AMN1: variants seen among roughly 807,000 people sequenced by gnomAD.
AMN1 encodes the protein antagonist of mitotic exit network 1 homolog.
AMN1 carries 20 observed loss-of-function variants against 33.0 expected under a neutral mutation model. The observed-to-expected ratio is 0.61, with a 90% CI of 0.43 to 0.88. The LOEUF (loss-of-function observed/expected upper bound fraction) is 0.88. Among genes scored for constraint, AMN1 ranks in the 40% least tolerant of loss-of-function variants. The pLI, the probability that AMN1 is intolerant of heterozygous loss-of-function variation, is 0.00. For missense variants in AMN1, 246 were observed against 307.4 expected, an observed-to-expected ratio of 0.80 and a Z score of 1.49; for synonymous variants, 114 against 111.9, an observed-to-expected ratio of 1.02 and a Z score of -0.12.
rs1307268254 is a variant in AMN1, at chr12:31,697,765, T to C, written c.509A>G (p.Gln170Arg). ...HALGKNCPFL[Q>R]CVDFSATQVS... ...CTGAGTAGCTGAAAAGTCGACACAC[T>C]GCAAAAATGGGCAGTTTTTTCCTAA... The change falls in exon 4 of 7, where the codon CAG becomes CGG. Residue 170 changes from glutamine (Q) to arginine (R), a missense_variant. Transcript: ENST00000281471. 6.2e-6 allele frequency: 10 copies of C among 1,614,000 alleles called. No homozygotes were observed. Among genetic ancestry groups the C allele is most frequent in the Non-Finnish European group, 8.5e-6 (10 of 1,179,884 alleles).
rs1289411577 is a variant in AMN1 at position 31,687,260 on chromosome 12, G to C, written c.703+1747C>G. ...TCACTACAGATGTCACTGATACCCAGATACAATCTATGGTTACAGCCTTGG... is the reference window on the plus strand; with the variant it reads ...TCACTACAGATGTCACTGATACCCACATACAATCTATGGTTACAGCCTTGG... On this transcript the variant is annotated intron_variant, in intron 6 of 6. Coordinates refer to ENST00000281471, the MANE Select transcript of AMN1 (RefSeq NM_001113402.2). This position sits in a 1 kb window ranked among gnomAD's most constrained non-coding sequence, Gnocchi z 4.1. 6.6e-6 allele frequency among the ~76,000 whole-genome samples: 1 copy of C among 152,198 alleles called. No homozygotes were observed. The highest frequency in any genetic ancestry group is 6.5e-5 in the Admixed American group (1 of 15,276).
At chr12:31,681,233 A>T (rs1030415240) in intron 6 of AMN1, among the ~76,000 whole-genome samples, 1 of 151,902 alleles carries the variant, frequency 6.6e-6, no homozygotes, top group African/African-American at 2.4e-5. Context: ...TATTATTTTT[A>T]TTTATTTTTT....
chr12:31,720,718 TC>T (rs1465351872), intron 1 of AMN1, among the ~76,000 whole-genome samples: 1 of 152,216 alleles, frequency 6.6e-6, no homozygotes, highest in African/African-American at 2.4e-5. Context: ...TCAAGGTTTA[TC>T]CACATTGTAG....
intron 2 of AMN1, among the ~76,000 whole-genome samples, chr12:31,703,056 T>G (rs1000805292): frequency 6.6e-6 from 1 of 151,548 alleles, no homozygotes. Context: ...TTATTTAATA[T>G]TCTCTCTCTC....
intron 5 of AMN1, 132 bp downstream of exon 5, chr12:31,697,229 A>G (rs1938767927): frequency 3.2e-6 from 2 of 625,218 alleles, no homozygotes; most frequent in Admixed American, 3.3e-5. Flanking sequence ...CAATAAAGAG[A>G]TAGAACACCC....
chr12:31,704,093 T>C (rs1156948799), intron 2 of AMN1, among the ~76,000 whole-genome samples: 1 of 152,194 alleles, frequency 6.6e-6, no homozygotes, highest in African/African-American at 2.4e-5. Flanking sequence ...CTACAGGAAG[T>C]AAATTGTTGA....
At chr12:31,699,320 C>A (rs1397877803) in intron 3 of AMN1, among the ~76,000 whole-genome samples, 1 of 128,384 alleles carries the variant, frequency 7.8e-6, no homozygotes, top group African/African-American at 2.9e-5. Flanking sequence ...TCACTTGAAC[C>A]CAGAGGTGGA....
At chr12:31,673,928 T>C (rs1011891104) in intron 6 of AMN1, among the ~76,000 whole-genome samples, 4 of 152,168 alleles carry the variant, frequency 2.6e-5, no homozygotes, top group African/African-American at 9.7e-5. Flanking sequence ...TGTACAGTTT[T>C]GAAGGTCAGA....
intron 6 of AMN1, among the ~76,000 whole-genome samples, chr12:31,686,654 G>A (rs1592152025): frequency 6.6e-6 from 1 of 152,046 alleles, no homozygotes; most frequent in South Asian, 2.1e-4. Flanking sequence ...AAAATTTTCC[G>A]ACACAAAGCC....
chr12:31,720,820 G>A (rs1939855470), intron 1 of AMN1, among the ~76,000 whole-genome samples: 1 of 152,112 alleles, frequency 6.6e-6, no homozygotes. Context: ...TCAATTGATG[G>A]ACATCTGTCT....
chr12:31,721,291 A>C (rs1939869912), intron 1 of AMN1, among the ~76,000 whole-genome samples: 1 of 152,128 alleles, frequency 6.6e-6, no homozygotes, highest in Non-Finnish European at 1.5e-5. Flanking sequence ...AATGGGAGGT[A>C]CCCAGGGGAG....
intron 5 of AMN1, among the ~76,000 whole-genome samples, chr12:31,690,265 A>G (rs1938445101): frequency 6.6e-6 from 1 of 152,184 alleles, no homozygotes; most frequent in African/African-American, 2.4e-5. Context: ...TTCTCTGGGT[A>G]GACACCCAGT....
At chr12:31,697,204 TTTTA>T (rs1252650807) in intron 5 of AMN1, among the ~76,000 whole-genome samples, 153 bp downstream of exon 5, 3 of 152,202 alleles carry the variant, frequency 2.0e-5, no homozygotes, top group Non-Finnish European at 2.9e-5. Context: ...TCCTAACAAT[TTTTA>T]TTTACTCTGG....
At chr12:31,689,563 A>C (rs1938411797) in intron 5 of AMN1, among the ~76,000 whole-genome samples, 2 of 152,228 alleles carry the variant, frequency 1.3e-5, no homozygotes, top group African/African-American at 4.8e-5. Flanking sequence ...ATGTTAGTTC[A>C]GACCCTTTGG....
intron 6 of AMN1, among the ~76,000 whole-genome samples, chr12:31,679,107 G>A (rs1398247785): frequency 3.9e-4 from 59 of 151,944 alleles, no homozygotes; most frequent in South Asian, 4.2e-4. Flanking sequence ...CCAAGAGTTC[G>A]AGACAGTCTG....
chr12:31,708,194 G>C (rs1057175442), intron 2 of AMN1, among the ~76,000 whole-genome samples: 2 of 152,196 alleles, frequency 1.3e-5, no homozygotes, highest in Non-Finnish European at 2.9e-5. Context: ...CCTATAAACA[G>C]ACGTGCAAGT....
At chr12:31,713,551 C>G (rs545524105) in intron 1 of AMN1, among the ~76,000 whole-genome samples, 8 of 152,250 alleles carry the variant, frequency 5.3e-5, no homozygotes, top group South Asian at 2.1e-4. Context: ...TAAAACATTT[C>G]TGATTAAGGC....
At chr12:31,723,217 AACAC>A (rs938169721) in intron 1 of AMN1, among the ~76,000 whole-genome samples, 1 of 151,896 alleles carries the variant, frequency 6.6e-6, no homozygotes, top group East Asian at 1.9e-4. Flanking sequence ...CACACACACA[AACAC>A]ACACGCACAC....
intron 6 of AMN1, chr12:31,672,753 T>C (rs1951308797): frequency 1.1e-5 from 2 of 175,748 alleles, no homozygotes; most frequent in Non-Finnish European, 2.4e-5. Flanking sequence ...GTGGGGTGAC[T>C]GAACAGCATT....
Sources: gnomAD v4.1 joint callset for allele counts (sites outside exome capture counted in the v4.1 genomes callset) on GRCh38, gnomAD v4.1.1 for gene constraint, Gnocchi (gnomAD v3.1) non-coding constraint, MANE v1.5 for transcripts, NCBI Gene and HGNC (gene_info 2026-07-23, HGNC 2026-07-21) for gene names.